The following CRB1 variants were observed in gnomAD, a reference collection of about 807,000 sequenced individuals.
CRB1 encodes crumbs cell polarity complex component 1.
Under a neutral mutation model 120.0 loss-of-function variants are expected in CRB1, and 83 were observed. That is an observed-to-expected ratio of 0.69 (90% CI 0.58 to 0.83). CRB1 has a LOEUF of 0.83. Ranked by LOEUF, CRB1 falls within the 40% of genes least tolerant of loss-of-function variation. The pLI, the probability that CRB1 is intolerant of heterozygous loss-of-function variation, is 0.00. For missense variants in CRB1, 1,699 were observed against 1,687.6 expected (o/e 1.01, Z -0.12); for synonymous variants, 625 against 612.5 (o/e 1.02, Z -0.30).
intron 5 of CRB1, among the ~76,000 whole-genome samples, chr1:197,383,112 A>G (rs552388627): frequency 1.8e-4 from 28 of 152,300 alleles, no homozygotes; most frequent in Non-Finnish European, 3.4e-4. Flanking sequence ...GCCCAAAGTT[A>G]CATTTTGAGA....
the CRB1 span, among the ~76,000 whole-genome samples, chr1:197,220,135 T>TTTAA: frequency 6.6e-6 from 1 of 152,118 alleles, no homozygotes; most frequent in East Asian, 1.9e-4. Flanking sequence ...TGACCTACTA[T>TTTAA]TTAACATGGA....
At chr1:197,282,261 T>G (rs1383388724) in intron 1 of CRB1, among the ~76,000 whole-genome samples, 1 of 151,816 alleles carries the variant, frequency 6.6e-6, no homozygotes, top group East Asian at 1.9e-4. Context: ...GGGTCCTTAC[T>G]TACAAATTCA....
At chr1:197,289,688 A>G (rs1656051436) in intron 1 of CRB1, among the ~76,000 whole-genome samples, 1 of 151,724 alleles carries the variant, frequency 6.6e-6, no homozygotes, top group South Asian at 2.1e-4. Context: ...TAATCTTACT[A>G]ACATATTTTC....
At position 197,435,373 on chromosome 1, in the gene CRB1, A is replaced by T; in HGVS notation, c.3510A>T (p.Ser1170=). Residue 1170 remains serine (S), a synonymous_variant, in exon 9 of 12, where the codon TCA becomes TCT. Coordinates refer to ENST00000367400, the MANE Select transcript of CRB1 (RefSeq NM_201253.3). The stretch of plus-strand genomic sequence containing the variant: ...ATTGCTCCTGTCCCTTGGGATGGTC[A>T]GGGAAACACTGTGAACTCAACATCG... The part of the protein sequence containing the change: ...SYHCSCPLGW[S]GKHCELNIDE... 1 of 1,611,600 alleles carries T rather than the reference A, an allele frequency of 6.2e-7. No homozygotes were observed. Among genetic ancestry groups the T allele is most frequent in the African/African-American group, 1.3e-5 (1 of 74,892 alleles).
chr1:197,345,497 A>T (rs1164971293), intron 3 of CRB1, among the ~76,000 whole-genome samples: 1 of 150,042 alleles, frequency 6.7e-6, no homozygotes, highest in African/African-American at 2.5e-5. Context: ...TTGCAAAAAT[A>T]ATGACTTTTT....
At chr1:197,395,306 G>C (rs1376388887) in intron 5 of CRB1, among the ~76,000 whole-genome samples, 1 of 152,114 alleles carries the variant, frequency 6.6e-6, no homozygotes, top group Non-Finnish European at 1.5e-5. Flanking sequence ...TGACCTCCAA[G>C]TAATGTACAT....
chr1:197,366,017 C>T (rs1323109431), intron 5 of CRB1, among the ~76,000 whole-genome samples: 1 of 152,098 alleles, frequency 6.6e-6, no homozygotes, highest in Non-Finnish European at 1.5e-5. Context: ...TTGTTAAAAA[C>T]ACTTGTGTTA....
At chr1:197,262,822 C>T in the CRB1 span, among the ~76,000 whole-genome samples, 1 of 152,110 alleles carries the variant, frequency 6.6e-6, no homozygotes, top group African/African-American at 2.4e-5. Context: ...AGGATAATGG[C>T]CTGCAGCTGC....
chr1:197,342,146 A>G (rs536528008), intron 2 of CRB1, among the ~76,000 whole-genome samples: 1 of 152,314 alleles, frequency 6.6e-6, no homozygotes, highest in South Asian at 2.1e-4. Context: ...CTTCATCTTT[A>G]TTCCACTGCA....
At chr1:197,205,793 C>G in the CRB1 span, among the ~76,000 whole-genome samples, 1 of 151,568 alleles carries the variant, frequency 6.6e-6, no homozygotes, top group African/African-American at 2.4e-5. Context: ...CCCTCTTTCT[C>G]TGTCTTGTGG....
chr1:197,305,536 T>C (rs1657109779), intron 1 of CRB1, among the ~76,000 whole-genome samples: 1 of 151,716 alleles, frequency 6.6e-6, no homozygotes, highest in African/African-American at 2.4e-5. Flanking sequence ...TATTTATATA[T>C]ACATATATAT....
chr1:197,265,780 A>T (rs2125191548), upstream of CRB1, among the ~76,000 whole-genome samples: 1 of 152,152 alleles, frequency 6.6e-6, no homozygotes, highest in East Asian at 1.9e-4. Context: ...TATCATCCCC[A>T]CTGTCTCTGC....
intron 11 of CRB1, among the ~76,000 whole-genome samples, chr1:197,457,628 A>G (rs1175297874): frequency 2.0e-5 from 3 of 152,164 alleles, no homozygotes; most frequent in Admixed American, 6.6e-5. Flanking sequence ...TGAACGAATG[A>G]AAGAATTGTA....
chr1:197,281,853 T>G (rs1359552186), intron 1 of CRB1, among the ~76,000 whole-genome samples: 1 of 151,836 alleles, frequency 6.6e-6, no homozygotes, highest in African/African-American at 2.4e-5. Flanking sequence ...AATTTAAATC[T>G]CTTTATTTTG....
chr1:197,338,988 T>A (rs1272098967), intron 2 of CRB1, among the ~76,000 whole-genome samples: 1 of 152,168 alleles, frequency 6.6e-6, no homozygotes, highest in Non-Finnish European at 1.5e-5. Flanking sequence ...GGAGTCAGAA[T>A]TGACAAAATT....
chr1:197,441,458 G>A (rs866239834), intron 10 of CRB1: 1 of 152,006 alleles, frequency 6.6e-6, no homozygotes. Flanking sequence ...CACTTGTCTT[G>A]GAAAATTTGG....
intron 5 of CRB1, among the ~76,000 whole-genome samples, chr1:197,390,033 A>G (rs575577791): frequency 6.6e-6 from 1 of 152,118 alleles, no homozygotes; most frequent in East Asian, 1.9e-4. Context: ...TGGTATTATT[A>G]AAGGATTGGG....
chr1:197,435,568 C>G lies in CRB1; in HGVS notation c.3705C>G (p.Gly1235=). 1 of 1,613,196 alleles carries G rather than the reference C, an allele frequency of 6.2e-7. No individual in the cohort carries two copies. Among genetic ancestry groups the G allele is most frequent in the South Asian group, 1.1e-5 (1 of 90,968 alleles). ...CCACCTGCATTAGTCATACTAATGG[C>G]TATTCTTGCCTCTGTTTTGGAAATT... The part of the protein sequence containing the change: ...NGATCISHTN[G]YSCLCFGNFT... The change falls in exon 9 of 12, where the codon GGC becomes GGG. Residue 1235 remains glycine, a synonymous_variant. Coordinates refer to ENST00000367400, the MANE Select transcript of CRB1 (RefSeq NM_201253.3).
intron 11 of CRB1, among the ~76,000 whole-genome samples, chr1:197,459,485 T>G (rs1277033210): frequency 6.6e-6 from 1 of 152,092 alleles, no homozygotes; most frequent in Non-Finnish European, 1.5e-5. Context: ...ATTTCCTGGT[T>G]CGTAAATGGT....
Sources: gnomAD v4.1 joint callset for allele counts (sites outside exome capture counted in the v4.1 genomes callset) on GRCh38, gnomAD v4.1.1 for gene constraint, MANE v1.5 for transcripts, NCBI Gene and HGNC (gene_info 2026-07-23, HGNC 2026-07-21) for gene names.